The following ADAM12 variants were observed in gnomAD, a reference collection of about 807,000 sequenced individuals.
The protein encoded by ADAM12 is disintegrin and metalloproteinase domain-containing protein 12.
ADAM12 carries 70 observed loss-of-function variants against 106.4 expected under a neutral mutation model. The ratio of observed to expected loss-of-function variants is 0.66; its 90% CI spans 0.54 to 0.80. The LOEUF (loss-of-function observed/expected upper bound fraction) is 0.80. Ranked by LOEUF, ADAM12 falls within the 30% of genes least tolerant of loss-of-function variation. The pLI, the probability that ADAM12 is intolerant of heterozygous loss-of-function variation, is 0.00. For synonymous variants in ADAM12, 420 were observed against 433.5 expected, an observed-to-expected ratio of 0.97 and a Z score of 0.39; for missense variants, 1,010 against 1,171.9, an observed-to-expected ratio of 0.86 and a Z score of 2.02.
At chr10:126,027,588 A>G (rs905912909) in intron 21 of ADAM12, among the ~76,000 whole-genome samples, 3 of 152,172 alleles carry the variant, frequency 2.0e-5, no homozygotes, top group Non-Finnish European at 4.4e-5. Context: ...AATGTGATTC[A>G]TCACATAAAC....
chr10:126,125,670 C>A (rs576017078), intron 5 of ADAM12, among the ~76,000 whole-genome samples: 3 of 151,988 alleles, frequency 2.0e-5, no homozygotes, highest in African/African-American at 7.2e-5. Flanking sequence ...TAGTGTCCCC[C>A]CCAGCCCCCA....
At chr10:126,324,318 A>G (rs542592093) in intron 2 of ADAM12, among the ~76,000 whole-genome samples, 1 of 152,322 alleles carries the variant, frequency 6.6e-6, no homozygotes, top group East Asian at 1.9e-4. Context: ...GAGTCAGGGG[A>G]CATGGGGACA....
chr10:126,152,405 T>C (rs1190068753), intron 4 of ADAM12, among the ~76,000 whole-genome samples: 1 of 151,976 alleles, frequency 6.6e-6, no homozygotes, highest in Non-Finnish European at 1.5e-5. Flanking sequence ...ACTTTATATA[T>C]TTTGAGACAA....
chr10:126,052,256 G>C (rs193205442), intron 14 of ADAM12, among the ~76,000 whole-genome samples: 1 of 152,282 alleles, frequency 6.6e-6, no homozygotes, highest in East Asian at 1.9e-4. Flanking sequence ...GCCTGTGGAA[G>C]GGCTAAGAAA....
At chr10:126,261,217 C>T (rs542145246) in intron 3 of ADAM12, among the ~76,000 whole-genome samples, 30 of 152,158 alleles carry the variant, frequency 2.0e-4, no homozygotes, top group Middle Eastern at 3.4e-3. Flanking sequence ...TACCAAGGCA[C>T]GACTGTGCAC....
At chr10:126,102,428 C>T (rs34202198) in intron 8 of ADAM12, among the ~76,000 whole-genome samples, 32,021 of 152,176 alleles carry the variant, frequency 0.21, 4,000 homozygotes, top group South Asian at 0.33. Flanking sequence ...TGGCCAATAA[C>T]AAAACTTATA....
intron 3 of ADAM12, 80 bp from the exon 4 acceptor site, chr10:126,155,385 G>A: frequency 7.6e-7 from 1 of 1,320,336 alleles, no homozygotes. Context: ...AGGCTATAGG[G>A]TAGCAAGATT....
intron 14 of ADAM12, among the ~76,000 whole-genome samples, chr10:126,057,548 C>T (rs182170200): frequency 9.2e-5 from 14 of 152,182 alleles, no homozygotes; most frequent in Middle Eastern, 3.4e-3. Context: ...AAGGACGCAG[C>T]GGCCGGAACT....
At chr10:126,365,148 T>A (rs1252433592) in intron 1 of ADAM12, among the ~76,000 whole-genome samples, 1 of 152,150 alleles carries the variant, frequency 6.6e-6, no homozygotes, top group African/African-American at 2.4e-5. Flanking sequence ...AAAACAGTAG[T>A]AAGCCTACAC....
chr10:126,382,079 T>A (rs947759562), intron 1 of ADAM12, among the ~76,000 whole-genome samples: 1 of 151,448 alleles, frequency 6.6e-6, no homozygotes, highest in African/African-American at 2.4e-5. Context: ...GAAGAGAGAA[T>A]GGGAACTTAT....
At chr10:126,189,849 T>C (rs924867067) in intron 3 of ADAM12, among the ~76,000 whole-genome samples, 1 of 152,054 alleles carries the variant, frequency 6.6e-6, no homozygotes, top group African/African-American at 2.4e-5. Context: ...AGAACCTTCC[T>C]GAAGACGGCA....
intron 6 of ADAM12, among the ~76,000 whole-genome samples, chr10:126,117,314 G>A (rs1385320084): frequency 2.6e-5 from 4 of 152,226 alleles, no homozygotes; most frequent in African/African-American, 9.6e-5. Context: ...AGGGAAGTCT[G>A]TCTGCAGCAC....
chr10:126,148,705 A>C (rs1450506308), intron 4 of ADAM12, among the ~76,000 whole-genome samples: 1 of 152,228 alleles, frequency 6.6e-6, no homozygotes, highest in Non-Finnish European at 1.5e-5. Flanking sequence ...CCACAGAGTC[A>C]GATGAAGATC....
intron 3 of ADAM12, among the ~76,000 whole-genome samples, chr10:126,252,052 G>A (rs1301856908): frequency 6.6e-6 from 1 of 150,446 alleles, no homozygotes; most frequent in African/African-American, 2.4e-5. Context: ...TGGATGGATG[G>A]ATGAGATGGA....
At chr10:126,339,847 CTTTTT>C (rs146232567) in intron 1 of ADAM12, among the ~76,000 whole-genome samples, 3 of 75,680 alleles carry the variant, frequency 4.0e-5, no homozygotes, top group African/African-American at 1.1e-4. Flanking sequence ...CATTCTAGGG[CTTTTT>C]TTTTTTTTTT....
intron 4 of ADAM12, among the ~76,000 whole-genome samples, chr10:126,142,720 C>T (rs116435894): frequency 1.3e-5 from 2 of 152,140 alleles, no homozygotes; most frequent in Non-Finnish European, 2.9e-5. Flanking sequence ...TCCTGGGTAC[C>T]GCAGAGCCTC....
At chr10:126,028,866 A>G (rs1953925883) in intron 21 of ADAM12, among the ~76,000 whole-genome samples, 1 of 152,222 alleles carries the variant, frequency 6.6e-6, no homozygotes, top group Non-Finnish European at 1.5e-5. Flanking sequence ...TTTTCAATCT[A>G]TCCATCTGAC....
chr10:126,101,840 G>C (rs142043933), intron 8 of ADAM12, among the ~76,000 whole-genome samples: 1 of 152,108 alleles, frequency 6.6e-6, no homozygotes, highest in Non-Finnish European at 1.5e-5. Context: ...CCTTCTTCAG[G>C]AACATTAATG....
intron 1 of ADAM12, among the ~76,000 whole-genome samples, chr10:126,347,296 G>A (rs1855179209): frequency 6.6e-6 from 1 of 152,192 alleles, no homozygotes; most frequent in South Asian, 2.1e-4. Flanking sequence ...AGTTTGGCTG[G>A]ATATGAAATT....
Sources: gnomAD v4.1 joint callset for allele counts (sites outside exome capture counted in the v4.1 genomes callset) on GRCh38, gnomAD v4.1.1 for gene constraint, MANE v1.5 for transcripts, NCBI Gene and HGNC (gene_info 2026-07-23, HGNC 2026-07-21) for gene names.